MCPH1: variants seen among roughly 807,000 people sequenced by gnomAD.
MCPH1 encodes microcephalin 1, also known as microcephalin.
In MCPH1, 104 loss-of-function variants were observed where a neutral mutation model predicts 84.5. The observed-to-expected ratio is 1.23, with a 90% CI of 1.05 to 1.45. The LOEUF is 1.45. Ranked by LOEUF, MCPH1 falls within the 40% of genes most tolerant of loss-of-function variation. The pLI is 0.00. For synonymous variants in MCPH1, 514 were observed against 366.8 expected, an observed-to-expected ratio of 1.40 and a Z score of -4.58; for missense variants, 1,498 against 1,005.7, an observed-to-expected ratio of 1.49 and a Z score of -6.62.
rs368943542 is a variant in MCPH1 at position 6,538,533 on chromosome 8, C to T, written c.2214+38604C>T. ...CTGGCGCCCCTGATCTTGTGGGCCT[C>T]AGACCTGGGCGCGCACTGTCCTTGG... On this transcript the variant is annotated intron_variant, in intron 12 of 13. Transcript: ENST00000344683. Among the ~76,000 whole-genome samples, 10 of 152,290 alleles carry T rather than the reference C, an allele frequency of 6.6e-5. No individual in the cohort carries two copies. The South Asian group carries it at 2.1e-3, about 32-fold the overall frequency.
intron 9 of MCPH1, among the ~76,000 whole-genome samples, chr8:6,466,539 C>A (rs1400049668): frequency 2.0e-5 from 3 of 152,206 alleles, no homozygotes; most frequent in African/African-American, 7.2e-5. Flanking sequence ...ACTCTCCTGA[C>A]CTCGTGATCC....
At chr8:6,452,832 T>A (rs1169976978) in intron 8 of MCPH1, among the ~76,000 whole-genome samples, 1 of 152,200 alleles carries the variant, frequency 6.6e-6, no homozygotes, top group East Asian at 1.9e-4. Context: ...TTTGTTATGG[T>A]AGCCCCAGCC....
At chr8:6,506,088 C>G (rs954510150) in intron 12 of MCPH1, among the ~76,000 whole-genome samples, 1 of 148,822 alleles carries the variant, frequency 6.7e-6, no homozygotes, top group African/African-American at 2.5e-5. Context: ...TTATTTCATC[C>G]AGGTTCCTAC....
chr8:6,407,801 C>T (rs1204309314), intron 1 of MCPH1, among the ~76,000 whole-genome samples: 1 of 152,140 alleles, frequency 6.6e-6, no homozygotes, highest in South Asian at 2.1e-4. Flanking sequence ...ACTCACTATG[C>T]CCCCCAGGCC....
At chr8:6,567,572 A>G (rs1826300777) in intron 12 of MCPH1, among the ~76,000 whole-genome samples, 1 of 152,196 alleles carries the variant, frequency 6.6e-6, no homozygotes, top group Non-Finnish European at 1.5e-5. Flanking sequence ...GCAAGTGTGC[A>G]TGGATGGGCG....
chr8:6,429,440 C>T (rs573419985), intron 3 of MCPH1, among the ~76,000 whole-genome samples: 33 of 152,124 alleles, frequency 2.2e-4, no homozygotes, highest in Non-Finnish European at 4.1e-4. Flanking sequence ...GCTTCACCTG[C>T]GCCTCCTGCC....
intron 12 of MCPH1, chr8:6,620,056 T>G (rs1831249345): frequency 6.6e-6 from 1 of 152,196 alleles, no homozygotes. Context: ...TTGCATCAGC[T>G]CAGTCTCTTT....
intron 12 of MCPH1, among the ~76,000 whole-genome samples, chr8:6,546,961 G>A (rs1822699899): frequency 6.6e-6 from 1 of 152,188 alleles, no homozygotes; most frequent in South Asian, 2.1e-4. Flanking sequence ...CAAGCTGGCT[G>A]GTTAGTCCTG....
In MCPH1 at chr8:6,644,928, A is replaced by T. The variant is rs1383994549; in HGVS notation, c.*1879A>T. On this transcript the variant is annotated 3_prime_UTR_variant, in exon 14 of 14. Transcript: ENST00000344683. ...TTGTCTCTTGGTTTTAAAATAATGT[A>T]TACACCTAAATCATCCCCTTATGAT... 1 of 152,222 alleles carries T rather than the reference A, an allele frequency of 6.6e-6. No homozygotes were observed. The highest frequency in any genetic ancestry group is 2.4e-5 in the African/African-American group (1 of 41,464). The allele number at this position is 152,222 out of a possible 1,614,324, so 9.4% of individuals were successfully genotyped here.
intron 12 of MCPH1, among the ~76,000 whole-genome samples, chr8:6,614,734 C>G (rs1830634715): frequency 6.6e-6 from 1 of 152,336 alleles, no homozygotes; most frequent in Middle Eastern, 3.4e-3. Context: ...ACCTCGACAG[C>G]TGAGCTTTCT....
intron 4 of MCPH1, among the ~76,000 whole-genome samples, chr8:6,434,663 C>CT (rs1802379734): frequency 6.6e-6 from 1 of 152,180 alleles, no homozygotes; most frequent in African/African-American, 2.4e-5. Flanking sequence ...GAGTGAATAA[C>CT]TAACAGAGCA....
rs1017627488 is a variant in MCPH1, at chr8:6,642,737, G to C, written c.2453-257G>C. The C allele has an allele frequency of 5.5e-6, 3 of 540,934 alleles. No homozygotes were observed. In the African/African-American group the frequency reaches 5.7e-5, roughly 10 times the overall value. 33.5% of individuals were successfully genotyped at this position (540,934 alleles called of 1,614,324 possible). On this transcript the variant is annotated intron_variant, in intron 13 of 13. Transcript: ENST00000344683. ...TCCTGACACAACGGGAACGTGCCCT[G>C]CATCTAATGGGACATGTGGCTACCA... is the stretch of plus-strand genomic sequence containing the variant.
chr8:6,521,865 A>G (rs1228542079), intron 12 of MCPH1, among the ~76,000 whole-genome samples: 1 of 152,224 alleles, frequency 6.6e-6, no homozygotes, highest in Non-Finnish European at 1.5e-5. Context: ...CCTAATGATA[A>G]TAATAGCACT....
intron 12 of MCPH1, among the ~76,000 whole-genome samples, chr8:6,593,922 C>A (rs1214403614): frequency 1.3e-5 from 2 of 152,198 alleles, no homozygotes; most frequent in Non-Finnish European, 2.9e-5. Flanking sequence ...TCAGAAGGAC[C>A]CCCGCTGGCA....
intron 1 of MCPH1, among the ~76,000 whole-genome samples, chr8:6,407,381 G>A (rs1374601912): frequency 6.6e-6 from 1 of 152,032 alleles, no homozygotes; most frequent in African/African-American, 2.4e-5. Flanking sequence ...CTAAGGCATC[G>A]GACGTTTAGG....
At chr8:6,426,205 C>T (rs73196771) in intron 3 of MCPH1, among the ~76,000 whole-genome samples, 3 of 152,110 alleles carry the variant, frequency 2.0e-5, no homozygotes, top group Non-Finnish European at 4.4e-5. Context: ...TTTATAAAAA[C>T]ATTTACATAA....
At chr8:6,509,764 CATCATAG>C (rs1285012425) in intron 12 of MCPH1, among the ~76,000 whole-genome samples, 1 of 152,184 alleles carries the variant, frequency 6.6e-6, no homozygotes, top group Non-Finnish European at 1.5e-5. Context: ...ACCTTTGGAG[CATCATAG>C]CTTAGCTCTA....
At chr8:6,488,220 C>T (rs1281810687) in intron 11 of MCPH1, among the ~76,000 whole-genome samples, 1 of 152,232 alleles carries the variant, frequency 6.6e-6, no homozygotes, top group Non-Finnish European at 1.5e-5. Flanking sequence ...CTCCATCCCC[C>T]TGTCTGCTGC....
At chr8:6,428,601 G>C (rs1801397406) in intron 3 of MCPH1, among the ~76,000 whole-genome samples, 1 of 152,192 alleles carries the variant, frequency 6.6e-6, no homozygotes, top group Non-Finnish European at 1.5e-5. Context: ...TTTCCAATAA[G>C]CGGAATCATA....
Sources: allele counts gnomAD v4.1 joint callset (sites outside exome capture counted in the v4.1 genomes callset), GRCh38; gene constraint gnomAD v4.1.1; transcripts MANE v1.5; gene names NCBI Gene and HGNC (gene_info 2026-07-23, HGNC 2026-07-21).